Variants in SGCZ observed in about 807,000 individuals in gnomAD.
SGCZ encodes the protein zeta-sarcoglycan.
In SGCZ, 40 loss-of-function variants were observed where a neutral mutation model predicts 41.3. That is an observed-to-expected ratio of 0.97 (90% CI 0.75 to 1.26). The LOEUF (loss-of-function observed/expected upper bound fraction) is 1.26. Ranked by LOEUF, SGCZ falls within the 50% of genes most tolerant of loss-of-function variation. The probability of loss-of-function intolerance (pLI) is 0.00; values close to 1 mark genes in which losing one functional copy is unlikely to be tolerated. For synonymous variants in SGCZ, 206 were observed against 137.5 expected, an observed-to-expected ratio of 1.50 and a Z score of -3.49; for missense variants, 552 against 369.8, an observed-to-expected ratio of 1.49 and a Z score of -4.04.
chr8:14,739,850 CAA>C (rs905177659), intron 1 of SGCZ, among the ~76,000 whole-genome samples: 2 of 151,916 alleles, frequency 1.3e-5, no homozygotes, highest in African/African-American at 4.8e-5. Flanking sequence ...CATTTTTATC[CAA>C]AGTTCTATCG....
At chr8:14,806,675 C>T (rs1271943232) in intron 1 of SGCZ, among the ~76,000 whole-genome samples, 4 of 152,098 alleles carry the variant, frequency 2.6e-5, no homozygotes, top group Non-Finnish European at 4.4e-5. Context: ...GGTACCATTC[C>T]TTCTGAAACT....
intron 2 of SGCZ, among the ~76,000 whole-genome samples, chr8:14,380,299 C>A (rs543996240): frequency 6.6e-6 from 1 of 152,006 alleles, no homozygotes; most frequent in African/African-American, 2.4e-5. Flanking sequence ...TTCTTTGATG[C>A]TTTTTCTTTT....
chr8:14,219,856 C>CA (rs1563193245), intron 4 of SGCZ, among the ~76,000 whole-genome samples: 2 of 151,868 alleles, frequency 1.3e-5, no homozygotes, highest in Admixed American at 6.6e-5. Context: ...TCGAAAATTT[C>CA]TTGTAGGGAA....
chr8:15,200,476 A>G (rs571091751), intron 1 of SGCZ, among the ~76,000 whole-genome samples: 3 of 152,270 alleles, frequency 2.0e-5, no homozygotes, highest in Admixed American at 6.5e-5. Flanking sequence ...CTGACAGGAG[A>G]TATCTGGAGC....
At chr8:14,479,235 T>A (rs1344247942) in intron 2 of SGCZ, among the ~76,000 whole-genome samples, 1 of 152,160 alleles carries the variant, frequency 6.6e-6, no homozygotes, top group African/African-American at 2.4e-5. Flanking sequence ...GAGCCCCTGG[T>A]AAACCACTGT....
intron 3 of SGCZ, among the ~76,000 whole-genome samples, chr8:14,239,414 T>A (rs184028745): frequency 6.6e-6 from 1 of 152,234 alleles, no homozygotes; most frequent in Admixed American, 6.5e-5. Flanking sequence ...CAAAAAATTG[T>A]GAAAAAACTA....
chr8:14,855,163 AT>A (rs1803498242), intron 1 of SGCZ, among the ~76,000 whole-genome samples: 1 of 151,808 alleles, frequency 6.6e-6, no homozygotes, highest in Non-Finnish European at 1.5e-5. Flanking sequence ...AGCGATTCTC[AT>A]GCCTTAGTCT....
intron 1 of SGCZ, among the ~76,000 whole-genome samples, chr8:15,216,396 A>G (rs1357047485): frequency 6.6e-6 from 1 of 151,306 alleles, no homozygotes; most frequent in Non-Finnish European, 1.5e-5. Flanking sequence ...ACTTTTTTAT[A>G]TTTTTAGTAG....
chr8:14,572,750 G>C lies in SGCZ; in HGVS notation c.40-17824C>G, dbSNP rs77182911. Among the ~76,000 whole-genome samples, 60 of 152,134 alleles carry C rather than the reference G, an allele frequency of 3.9e-4. No individual in the cohort carries two copies. The East Asian group carries it at 0.011, about 29-fold the overall frequency. On this transcript the variant is annotated intron_variant, in intron 1 of 7. Coordinates refer to ENST00000382080, the MANE Select transcript of SGCZ (RefSeq NM_139167.4). ...GTATCACCAACTCTCTTTTAGTAAT[G>C]AACAAGCTCCAAAAATGTAACATAC...
At chr8:14,237,749 C>T in intron 3 of SGCZ, 70 bp from the exon 4 acceptor site, 5 of 1,360,164 alleles carry the variant, frequency 3.7e-6, no homozygotes, top group Non-Finnish European at 5.2e-6. Flanking sequence ...AAATATACTG[C>T]ATTTGTTTGG....
At chr8:14,848,922 A>G (rs1803226438) in intron 1 of SGCZ, among the ~76,000 whole-genome samples, 2 of 152,156 alleles carry the variant, frequency 1.3e-5, no homozygotes, top group Non-Finnish European at 2.9e-5. Context: ...AGCTATAAGG[A>G]TGAAATCTGT....
rs111922940 is a variant in SGCZ at position 14,278,056 on chromosome 8, A to G, written c.337-40377T>C. ...ATAAGACTACCTTTGTTCACAGTGC[A>G]GTTCCAACACTCACCTTTCCATAAC... On this transcript the variant is annotated intron_variant, in intron 3 of 7. Coordinates refer to ENST00000382080, the MANE Select transcript of SGCZ (RefSeq NM_139167.4). Among the ~76,000 whole-genome samples the G allele has an allele frequency of 9.1e-4, 139 of 152,266 alleles. 1 individual carries two copies. Among genetic ancestry groups the G allele is most frequent in the African/African-American group, 2.8e-3 (117 of 41,560 alleles).
At chr8:15,088,358 G>C (rs907452822) in intron 1 of SGCZ, among the ~76,000 whole-genome samples, 1 of 152,062 alleles carries the variant, frequency 6.6e-6, no homozygotes, top group East Asian at 1.9e-4. Flanking sequence ...ATTTTCTACT[G>C]TCCAATTACA....
At chr8:15,067,359 T>G (rs1197613638) in intron 1 of SGCZ, among the ~76,000 whole-genome samples, 1 of 152,210 alleles carries the variant, frequency 6.6e-6, no homozygotes, top group Admixed American at 6.5e-5. Flanking sequence ...AGCCATGTGT[T>G]TTAGAACTAG....
chr8:14,817,761 G>T (rs4348490), intron 1 of SGCZ, among the ~76,000 whole-genome samples: 1 of 152,018 alleles, frequency 6.6e-6, no homozygotes, highest in Non-Finnish European at 1.5e-5. Flanking sequence ...GCCCATGTGC[G>T]CTCATTGTTG....
At chr8:14,929,779 T>C (rs1360267978) in intron 1 of SGCZ, among the ~76,000 whole-genome samples, 3 of 152,004 alleles carry the variant, frequency 2.0e-5, no homozygotes, top group Non-Finnish European at 4.4e-5. Flanking sequence ...CAGAAACAGA[T>C]AACACCTTAA....
intron 1 of SGCZ, among the ~76,000 whole-genome samples, chr8:14,686,382 G>A (rs1264832063): frequency 6.6e-6 from 1 of 152,118 alleles, no homozygotes; most frequent in East Asian, 1.9e-4. Flanking sequence ...GGAGAAACAG[G>A]AGTGATGGGA....
intron 1 of SGCZ, among the ~76,000 whole-genome samples, chr8:15,147,215 T>C (rs1379599250): frequency 6.6e-6 from 1 of 152,104 alleles, no homozygotes; most frequent in Non-Finnish European, 1.5e-5. Flanking sequence ...CCCAACACAT[T>C]CTATCATCCT....
At chr8:14,202,614 G>A (rs1489010331) in intron 4 of SGCZ, among the ~76,000 whole-genome samples, 2 of 152,114 alleles carry the variant, frequency 1.3e-5, no homozygotes, top group Admixed American at 1.3e-4. Context: ...GAGAATAAAT[G>A]CAAATATTTG....
Sources: gnomAD v4.1 joint callset for allele counts (sites outside exome capture counted in the v4.1 genomes callset) on GRCh38, gnomAD v4.1.1 for gene constraint, MANE v1.5 for transcripts, NCBI Gene and HGNC (gene_info 2026-07-23, HGNC 2026-07-21) for gene names.